The following DIP2C variants were observed in gnomAD, a reference collection of about 807,000 sequenced individuals.
DIP2C encodes the protein DIP2 acetate--CoA ligase C (putative), also known as disco-interacting protein 2 homolog C.
Under a neutral mutation model 192.4 loss-of-function variants are expected in DIP2C, and 33 were observed. That is an observed-to-expected ratio of 0.17 (90% CI 0.13 to 0.23). DIP2C has a LOEUF of 0.23. DIP2C is among the 10% of genes least tolerant of loss of function. DIP2C has a pLI of 1.00. For missense variants in DIP2C, 1,537 were observed against 2,110.1 expected (o/e 0.73, Z 5.32); for synonymous variants, 979 against 864.1 (o/e 1.13, Z -2.33).
At chr10:283,076 A>T (rs995475391) in intron 35 of DIP2C, among the ~76,000 whole-genome samples, 196 bp downstream of exon 35, 1 of 152,260 alleles carries the variant, frequency 6.6e-6, no homozygotes, top group African/African-American at 2.4e-5. Flanking sequence ...TGTGATGCAC[A>T]GCTCAGCTTG....
intron 4 of DIP2C, among the ~76,000 whole-genome samples, chr10:435,659 C>A (rs1040389981): frequency 2.0e-5 from 3 of 152,204 alleles, no homozygotes; most frequent in Non-Finnish European, 4.4e-5. Context: ...AGAAGAGCTG[C>A]TGAGTTTTCA....
At chr10:595,559 G>A (rs567996533) in intron 1 of DIP2C, among the ~76,000 whole-genome samples, 82 of 152,130 alleles carry the variant, frequency 5.4e-4, no homozygotes, top group African/African-American at 1.9e-3. Context: ...AGAATGAAAT[G>A]ATTTTGCATC....
At chr10:615,227 G>T (rs1853376038) in intron 1 of DIP2C, among the ~76,000 whole-genome samples, 1 of 152,208 alleles carries the variant, frequency 6.6e-6, no homozygotes, top group Non-Finnish European at 1.5e-5. Flanking sequence ...AACGATCGGG[G>T]AAGAAATGAG....
chr10:294,303 A>G (rs1955639980), intron 32 of DIP2C, among the ~76,000 whole-genome samples: 1 of 152,152 alleles, frequency 6.6e-6, no homozygotes, highest in Non-Finnish European at 1.5e-5. Flanking sequence ...CTAAGACCCT[A>G]ATCACATGCA....
chr10:412,841 C>G (rs888751913), intron 8 of DIP2C, among the ~76,000 whole-genome samples: 6 of 152,204 alleles, frequency 3.9e-5, no homozygotes, highest in African/African-American at 1.2e-4. Flanking sequence ...TGACAACAGG[C>G]GGAACTATGT....
rs1429444824 is a variant in DIP2C at position 443,249 on chromosome 10, C to A, written c.269-2253G>T. Among the ~76,000 whole-genome samples the A allele has an allele frequency of 3.3e-5, 5 of 152,302 alleles. No individual in the cohort carries two copies. The East Asian group carries it at 9.6e-4, about 29-fold the overall frequency. On this transcript the variant is annotated intron_variant, in intron 3 of 36. Coordinates refer to ENST00000280886, the MANE Select transcript of DIP2C (RefSeq NM_014974.3). ...TTTAGCATCCACTGATGATTTCCTGCCATTCCTTCTAAATCATTAGATCTT... is the reference window on the plus strand; with the variant it reads ...TTTAGCATCCACTGATGATTTCCTGACATTCCTTCTAAATCATTAGATCTT...
intron 1 of DIP2C, among the ~76,000 whole-genome samples, chr10:492,882 CAGA>C (rs1457636131): frequency 7.2e-5 from 11 of 152,314 alleles, no homozygotes; most frequent in African/African-American, 2.2e-4. Flanking sequence ...GAAAGATCAA[CAGA>C]AGTTCACACC....
chr10:303,395 GTAAC>G, intron 32 of DIP2C, among the ~76,000 whole-genome samples: 1 of 152,118 alleles, frequency 6.6e-6, no homozygotes. Context: ...TACATTTACT[GTAAC>G]TTTCTATGTT....
intron 1 of DIP2C, among the ~76,000 whole-genome samples, chr10:684,172 A>G (rs1390874422): frequency 6.6e-6 from 1 of 152,242 alleles, no homozygotes; most frequent in African/African-American, 2.4e-5. Context: ...GACTCTTAAC[A>G]TTCCAGTCCA....
In DIP2C at chr10:400,954, A is replaced by G. The variant is rs368355501; in HGVS notation, c.1150-1735T>C. ...CCTATGATTTTACACGTGTGGCAGC[A>G]TTAGCATTACTCTTCCTTATGGACA... is the stretch of plus-strand genomic sequence containing the variant. On this transcript the variant is annotated intron_variant, in intron 9 of 36. Transcript: ENST00000280886. Among the ~76,000 whole-genome samples, 8 of 145,884 alleles carry G rather than the reference A, an allele frequency of 5.5e-5. No individual in the cohort carries two copies. The East Asian group carries it at 1.1e-3, about 19-fold the overall frequency.
intron 1 of DIP2C, among the ~76,000 whole-genome samples, chr10:658,974 A>G (rs1856582829): frequency 6.6e-6 from 1 of 152,132 alleles, no homozygotes; most frequent in African/African-American, 2.4e-5. Context: ...ACACACACAC[A>G]TGCGCACACA....
chr10:397,719 C>T (rs192857461), intron 10 of DIP2C, among the ~76,000 whole-genome samples: 10 of 152,284 alleles, frequency 6.6e-5, no homozygotes, highest in East Asian at 1.9e-4. Context: ...TTACAGTTAC[C>T]GTAACTGCTT....
rs1002613300 is a variant in DIP2C at position 689,423 on chromosome 10, C to A, written c.85+71G>T. 5.4e-6 allele frequency: 5 copies of A among 925,206 alleles called. No homozygotes were observed. The highest frequency in any genetic ancestry group is 6.5e-6 in the Non-Finnish European group (5 of 769,538). 57.3% of individuals were successfully genotyped at this position (925,206 alleles called of 1,614,324 possible). A position where few individuals can be genotyped will look rare whatever the true frequency, so the allele number is the denominator to read the frequency against. On this transcript the variant is annotated intron_variant, in intron 1 of 36. Coordinates refer to ENST00000280886, the MANE Select transcript of DIP2C (RefSeq NM_014974.3). The surrounding 1 kb of genome is among the most constrained non-coding windows in gnomAD (Gnocchi z 6.1). The stretch of plus-strand genomic sequence containing the variant: ...GGCCCCCGCCCCGCCGCAGGCCCCG[C>A]GCCCCCAGCCCTCCGCGCGCGGCCC...
At chr10:682,119 A>G (rs748316442) in intron 1 of DIP2C, among the ~76,000 whole-genome samples, 1 of 152,156 alleles carries the variant, frequency 6.6e-6, no homozygotes, top group East Asian at 1.9e-4. Context: ...CAGAGCATAG[A>G]CCTCATTCCT....
intron 31 of DIP2C, among the ~76,000 whole-genome samples, chr10:319,966 T>G (rs778892456): frequency 6.6e-6 from 1 of 152,188 alleles, no homozygotes; most frequent in Non-Finnish European, 1.5e-5. Flanking sequence ...GACTAAAGAA[T>G]GTATTTTTCC....
At position 422,933 on chromosome 10, in the gene DIP2C, G is replaced by A; in HGVS notation, c.495C>T (p.Ser165=). The stretch of plus-strand genomic sequence containing the variant: ...ACGTGGTGGAGCCGTGGATGGCCTG[G>A]CTGATCCAGTGCTCCATATTGATGC... ...QGSINMEHWI[S]QAIHGSTTST... is the part of the protein sequence containing the mutation. The change falls in exon 5 of 37, where the codon AGC becomes AGT. Residue 165 remains serine, a synonymous_variant. Coordinates refer to ENST00000280886, the MANE Select transcript of DIP2C (RefSeq NM_014974.3). The A allele has an allele frequency of 6.2e-7, 1 of 1,614,158 alleles. No homozygotes were observed. The highest frequency in any genetic ancestry group is 1.1e-5 in the South Asian group (1 of 91,080).
intron 32 of DIP2C, among the ~76,000 whole-genome samples, chr10:292,739 G>C (rs2132213033): frequency 6.6e-6 from 1 of 152,304 alleles, no homozygotes; most frequent in Non-Finnish European, 1.5e-5. Flanking sequence ...AGATAATCAG[G>C]TTTTTCATCA....
At chr10:510,118 A>G (rs1434598310) in intron 1 of DIP2C, among the ~76,000 whole-genome samples, 1 of 152,060 alleles carries the variant, frequency 6.6e-6, no homozygotes, top group Non-Finnish European at 1.5e-5. Flanking sequence ...TTCCTGGGGG[A>G]CCCGTACAAC....
chr10:429,764 T>A (rs1490600676), intron 4 of DIP2C, among the ~76,000 whole-genome samples: 2 of 152,030 alleles, frequency 1.3e-5, no homozygotes, highest in Non-Finnish European at 2.9e-5. Context: ...TGTACCACAG[T>A]TTACTTATAC....
Sources: gnomAD v4.1 joint callset for allele counts (sites outside exome capture counted in the v4.1 genomes callset) on GRCh38, gnomAD v4.1.1 for gene constraint, Gnocchi (gnomAD v3.1) non-coding constraint, MANE v1.5 for transcripts, NCBI Gene and HGNC (gene_info 2026-07-23, HGNC 2026-07-21) for gene names.